The following RPS6KA2 variants were observed in gnomAD, a reference collection of about 807,000 sequenced individuals.
RPS6KA2 encodes the protein ribosomal protein S6 kinase A2.
Under a neutral mutation model 91.8 loss-of-function variants are expected in RPS6KA2, and 42 were observed. The observed-to-expected ratio is 0.46, with a 90% CI of 0.36 to 0.59. The LOEUF (loss-of-function observed/expected upper bound fraction) is 0.59. Ranked by LOEUF, RPS6KA2 falls within the 20% of genes least tolerant of loss-of-function variation. The probability of loss-of-function intolerance (pLI) is 0.00; values close to 1 mark genes in which losing one functional copy is unlikely to be tolerated. For synonymous variants in RPS6KA2, 414 were observed against 393.6 expected, an observed-to-expected ratio of 1.05 and a Z score of -0.61; for missense variants, 798 against 978.5, an observed-to-expected ratio of 0.82 and a Z score of 2.46.
chr6:166,546,666 T>C (rs3799631), intron 1 of RPS6KA2, among the ~76,000 whole-genome samples: 62,549 of 151,922 alleles, frequency 0.41, 13,579 homozygotes, highest in East Asian at 0.63. Context: ...AAATTTCCTA[T>C]TTCTTTAGCA....
At chr6:166,695,875 A>G (rs569507553) in intron 2 of RPS6KA2, among the ~76,000 whole-genome samples, 20 of 147,646 alleles carry the variant, frequency 1.4e-4, no homozygotes, top group East Asian at 4.0e-4. Context: ...AGGAGCACTA[A>G]ATTCTCATAG....
At chr6:166,679,674 T>G (rs1323022593) in intron 2 of RPS6KA2, among the ~76,000 whole-genome samples, 1 of 152,204 alleles carries the variant, frequency 6.6e-6, no homozygotes, top group Admixed American at 6.5e-5. Flanking sequence ...GAGGAGCCCT[T>G]CAGCCCGCTG....
rs559189046 is a variant in RPS6KA2 at position 166,769,825 on chromosome 6, C to T, written c.123+88375G>A. Among the ~76,000 whole-genome samples, 11 of 152,314 alleles carry T rather than the reference C, an allele frequency of 7.2e-5. No homozygotes were observed. In the East Asian group the frequency reaches 1.2e-3, roughly 16 times the overall value. On this transcript the variant is annotated intron_variant, in intron 2 of 21. Transcript: ENST00000503859. ...CCCCAGCGACGGGGCTGAGAAAAGGCGGCCGCATCCTTGTGCAGTGCCCTC... is the reference window on the plus strand; with the variant it reads ...CCCCAGCGACGGGGCTGAGAAAAGGTGGCCGCATCCTTGTGCAGTGCCCTC...
chr6:166,775,954 G>GC (rs1006500529), intron 2 of RPS6KA2, among the ~76,000 whole-genome samples: 7 of 152,186 alleles, frequency 4.6e-5, no homozygotes, highest in Admixed American at 4.6e-4. Flanking sequence ...CGCGTGGAGG[G>GC]CCAGAACTGG....
intron 3 of RPS6KA2, among the ~76,000 whole-genome samples, chr6:166,518,638 T>C (rs1295379928): frequency 6.6e-6 from 1 of 152,158 alleles, no homozygotes; most frequent in Non-Finnish European, 1.5e-5. Context: ...CCAGGCACAA[T>C]GTGGCCTAAC....
rs536251103 is a variant in RPS6KA2 at position 166,758,570 on chromosome 6, T to C, written c.123+99630A>G. Reference sequence around the variant, plus strand: ...CAGGACACTGGCGGAGTTTCCTTTGTTTACTGGTATAGCTTCTTGTTAATA... The same window carrying C: ...CAGGACACTGGCGGAGTTTCCTTTGCTTACTGGTATAGCTTCTTGTTAATA... On this transcript the variant is annotated intron_variant, in intron 2 of 21. Coordinates refer to the RPS6KA2 transcript ENST00000503859. 2.6e-5 allele frequency among the ~76,000 whole-genome samples: 4 copies of C among 152,294 alleles called. No individual in the cohort carries two copies. The East Asian group carries it at 7.7e-4, about 29-fold the overall frequency.
chr6:166,578,764 A>T (rs931526949), intron 1 of RPS6KA2, among the ~76,000 whole-genome samples: 1 of 152,188 alleles, frequency 6.6e-6, no homozygotes, highest in Non-Finnish European at 1.5e-5. Flanking sequence ...CTACTCAATC[A>T]GAGTGTCTGG....
chr6:166,464,144 G>T (rs1221629326), intron 11 of RPS6KA2, among the ~76,000 whole-genome samples: 1 of 152,156 alleles, frequency 6.6e-6, no homozygotes, highest in Non-Finnish European at 1.5e-5. Flanking sequence ...CACTCTCTGC[G>T]CCATACTGCA....
chr6:166,538,755 GAT>G lies in RPS6KA2; in HGVS notation c.127_128del (p.Ile43GlnfsTer9). On this transcript the variant is annotated frameshift_variant, in exon 2 of 21. Transcript: ENST00000265678. LOFTEE classifies it high-confidence loss of function. ...EEEGVVKEID[I>X]SHHVKEGFEK... is the part of the protein sequence containing the mutation. Reference sequence around the variant, plus strand: ...CAAAGCCCTCCTTCACATGATGGCTGATGTCTATCTCCTTCACGACGCCTTCT... The same window carrying G: ...CAAAGCCCTCCTTCACATGATGGCTGGTCTATCTCCTTCACGACGCCTTCT... 1 of 1,605,456 alleles carries G rather than the reference GAT, an allele frequency of 6.2e-7. No homozygotes were observed.
chr6:166,762,421 G>A (rs1023485016), intron 2 of RPS6KA2, among the ~76,000 whole-genome samples: 1 of 152,154 alleles, frequency 6.6e-6, no homozygotes, highest in Non-Finnish European at 1.5e-5. Context: ...TTAAACGGAG[G>A]ACGGAATATG....
chr6:166,432,059 G>A (rs1399560604), intron 15 of RPS6KA2, among the ~76,000 whole-genome samples: 1 of 152,204 alleles, frequency 6.6e-6, no homozygotes. Flanking sequence ...TCAGTTTGGA[G>A]TTGGAGCGTG....
chr6:166,657,949 T>C (rs1435815685), intron 2 of RPS6KA2, among the ~76,000 whole-genome samples: 3 of 152,160 alleles, frequency 2.0e-5, no homozygotes, highest in Non-Finnish European at 4.4e-5. Context: ...AGTGGCGAGA[T>C]CTCGGCTCAC....
At chr6:166,787,377 G>T (rs1778960980) in intron 2 of RPS6KA2, among the ~76,000 whole-genome samples, 1 of 151,882 alleles carries the variant, frequency 6.6e-6, no homozygotes, top group Admixed American at 6.6e-5. Flanking sequence ...ATTATAAAAA[G>T]TATGATTTGA....
intron 13 of RPS6KA2, among the ~76,000 whole-genome samples, chr6:166,450,447 AC>A (rs1176485278): frequency 2.1e-5 from 3 of 141,636 alleles, no homozygotes; most frequent in Non-Finnish European, 4.6e-5. Flanking sequence ...CACCACAGGA[AC>A]CACCATGAGG....
At chr6:166,755,645 C>T (rs1297352577) in intron 2 of RPS6KA2, among the ~76,000 whole-genome samples, 1 of 152,164 alleles carries the variant, frequency 6.6e-6, no homozygotes, top group African/African-American at 2.4e-5. Flanking sequence ...CAGCTTCCTA[C>T]CTCCTCCTTT....
At chr6:166,506,290 G>A (rs929109) in intron 5 of RPS6KA2, among the ~76,000 whole-genome samples, 74,282 of 152,018 alleles carry the variant, frequency 0.49, 18,770 homozygotes, top group African/African-American at 0.62. Context: ...CTCGGGGGAG[G>A]CACACATTCC....
chr6:166,586,193 T>C, intron 1 of RPS6KA2: 1 of 1,585,104 alleles, frequency 6.3e-7, no homozygotes, highest in Admixed American at 1.7e-5. Flanking sequence ...AAGGTTCTTG[T>C]CTGTGTTGCG....
At chr6:166,806,020 A>C (rs988748886) in intron 2 of RPS6KA2, among the ~76,000 whole-genome samples, 1 of 152,220 alleles carries the variant, frequency 6.6e-6, no homozygotes, top group Non-Finnish European at 1.5e-5. Context: ...AAGCAGGCAG[A>C]AAAAAGAATC....
intron 2 of RPS6KA2, among the ~76,000 whole-genome samples, chr6:166,824,717 GTGTGTATGTC>G (rs1443317863): frequency 1.0e-5 from 1 of 99,838 alleles, no homozygotes; most frequent in African/African-American, 3.2e-5. Flanking sequence ...GTGTGTGTCT[GTGTGTATGTC>G]TGTGTCTGTG....
Sources: allele counts gnomAD v4.1 joint callset (sites outside exome capture counted in the v4.1 genomes callset), GRCh38; gene constraint gnomAD v4.1.1; transcripts MANE v1.5; gene names NCBI Gene and HGNC (gene_info 2026-07-23, HGNC 2026-07-21).